Variants in RABGAP1L observed in about 807,000 individuals in gnomAD.
The protein encoded by RABGAP1L is RAB GTPase activating protein 1 like.
A neutral mutation model predicts 137.7 loss-of-function variants in RABGAP1L; 63 were observed. The ratio of observed to expected loss-of-function variants is 0.46; its 90% CI spans 0.37 to 0.56. The LOEUF (loss-of-function observed/expected upper bound fraction) is 0.56. Ranked by LOEUF, RABGAP1L falls within the 20% of genes least tolerant of loss-of-function variation. RABGAP1L has a pLI of 0.00. For missense variants in RABGAP1L, 1,095 were observed against 1,244.0 expected (o/e 0.88, Z 1.80); for synonymous variants, 431 against 433.7 (o/e 0.99, Z 0.08).
intron 10 of RABGAP1L, among the ~76,000 whole-genome samples, chr1:174,282,215 C>A: frequency 6.6e-6 from 1 of 152,278 alleles, no homozygotes; most frequent in Non-Finnish European, 1.5e-5. Flanking sequence ...AACTGCCAAA[C>A]TGTTTTCTAC....
intron 18 of RABGAP1L, among the ~76,000 whole-genome samples, chr1:174,810,977 C>CTGTA (rs1689816145): frequency 6.6e-6 from 1 of 151,832 alleles, no homozygotes; most frequent in African/African-American, 2.4e-5. Flanking sequence ...TGGTGTGTGC[C>CTGTA]TGTAGTTCCA....
chr1:174,328,008 T>TACAC (rs1680689760), intron 11 of RABGAP1L, among the ~76,000 whole-genome samples: 4 of 125,992 alleles, frequency 3.2e-5, no homozygotes, highest in African/African-American at 1.6e-4. Flanking sequence ...TATATATATA[T>TACAC]ATATATATAT....
intron 16 of RABGAP1L, among the ~76,000 whole-genome samples, chr1:174,700,090 G>A (rs2148518572): frequency 6.6e-6 from 1 of 152,168 alleles, no homozygotes; most frequent in Admixed American, 6.5e-5. Flanking sequence ...AATACTGTAG[G>A]GATACATTTA....
At chr1:174,736,405 T>TG (rs1164198414) in intron 17 of RABGAP1L, among the ~76,000 whole-genome samples, 1 of 152,242 alleles carries the variant, frequency 6.6e-6, no homozygotes. Context: ...CCCAAGGCCT[T>TG]GGGCAGCTCT....
intron 1 of RABGAP1L, among the ~76,000 whole-genome samples, chr1:174,202,862 C>T (rs1035586046): frequency 1.4e-4 from 21 of 152,140 alleles, no homozygotes; most frequent in Non-Finnish European, 2.4e-4. Context: ...TTTCAGCTTT[C>T]TACATATGGC....
intron 13 of RABGAP1L, among the ~76,000 whole-genome samples, chr1:174,502,389 C>T (rs1661361399): frequency 6.6e-6 from 1 of 151,548 alleles, no homozygotes; most frequent in African/African-American, 2.4e-5. Flanking sequence ...CTGAAGTCCA[C>T]AGAGCTTCTG....
intron 19 of RABGAP1L, among the ~76,000 whole-genome samples, chr1:174,929,827 C>G (rs2149256407): frequency 6.7e-6 from 1 of 148,240 alleles, no homozygotes; most frequent in South Asian, 2.1e-4. Context: ...TTCATCTCTA[C>G]TGATTTTAAA....
At chr1:174,446,182 A>G (rs1435857057) in intron 13 of RABGAP1L, among the ~76,000 whole-genome samples, 1 of 152,208 alleles carries the variant, frequency 6.6e-6, no homozygotes, top group Non-Finnish European at 1.5e-5. Flanking sequence ...GCTGCATCAC[A>G]GTAAATCGGA....
chr1:174,445,298 C>A (rs912953939), intron 13 of RABGAP1L, among the ~76,000 whole-genome samples: 1 of 152,022 alleles, frequency 6.6e-6, no homozygotes, highest in Non-Finnish European at 1.5e-5. Context: ...TTTTAATGTC[C>A]ATCAAATATT....
At chr1:174,343,673 T>G (rs1682181686) in intron 11 of RABGAP1L, among the ~76,000 whole-genome samples, 1 of 152,072 alleles carries the variant, frequency 6.6e-6, no homozygotes, top group South Asian at 2.1e-4. Flanking sequence ...TCTGATTGGG[T>G]TCATTAGTCT....
intron 13 of RABGAP1L, among the ~76,000 whole-genome samples, chr1:174,410,244 C>T (rs889635488): frequency 1.9e-4 from 29 of 152,240 alleles, no homozygotes; most frequent in Middle Eastern, 3.4e-3. Context: ...ATAGGACTTA[C>T]GTTGAAATAT....
intron 13 of RABGAP1L, among the ~76,000 whole-genome samples, chr1:174,617,400 G>T (rs751158111): frequency 6.6e-6 from 1 of 152,146 alleles, no homozygotes; most frequent in South Asian, 2.1e-4. Context: ...AACAAAAAAT[G>T]CTCCATCATA....
intron 7 of RABGAP1L, among the ~76,000 whole-genome samples, chr1:174,262,270 T>C (rs914990988): frequency 2.0e-5 from 3 of 152,232 alleles, no homozygotes; most frequent in African/African-American, 7.2e-5. Context: ...TGGCTTCTGT[T>C]GGCACCCAGT....
intron 13 of RABGAP1L, among the ~76,000 whole-genome samples, chr1:174,496,229 C>A (rs1660721567): frequency 6.6e-6 from 1 of 152,070 alleles, no homozygotes; most frequent in African/African-American, 2.4e-5. Context: ...ACAATTTTTG[C>A]CACATTAGAA....
chr1:174,218,437 A>G (rs1035575087), intron 1 of RABGAP1L, among the ~76,000 whole-genome samples: 5 of 152,150 alleles, frequency 3.3e-5, no homozygotes, highest in African/African-American at 1.2e-4. Flanking sequence ...TGGATATGAT[A>G]GTGAGTGTTG....
intron 7 of RABGAP1L, among the ~76,000 whole-genome samples, chr1:174,258,366 C>T (rs1673295085): frequency 2.6e-5 from 4 of 152,222 alleles, no homozygotes; most frequent in Admixed American, 2.6e-4. Flanking sequence ...CTTACTACAT[C>T]TTTCATTGCC....
chr1:174,854,232 G>A (rs1648871250), intron 19 of RABGAP1L, among the ~76,000 whole-genome samples: 1 of 152,130 alleles, frequency 6.6e-6, no homozygotes, highest in South Asian at 2.1e-4. Context: ...ATTTGTCACA[G>A]TAATAATATT....
At chr1:174,832,713 GTCTCTGTGTGT>G (rs1410060661) in intron 19 of RABGAP1L, among the ~76,000 whole-genome samples, 7 of 152,170 alleles carry the variant, frequency 4.6e-5, no homozygotes, top group Admixed American at 2.0e-4. Flanking sequence ...CCTCCTGGCT[GTCTCTGTGTGT>G]TCATGACTTT....
chr1:174,969,528 G>A, intron 21 of RABGAP1L, 141 bp downstream of exon 21: 1 of 656,246 alleles, frequency 1.5e-6, no homozygotes, highest in Non-Finnish European at 2.7e-6. Context: ...GTTAATTGGA[G>A]ACCATGGAAA....
Sources: allele counts gnomAD v4.1 joint callset (sites outside exome capture counted in the v4.1 genomes callset), GRCh38; gene constraint gnomAD v4.1.1; transcripts MANE v1.5; gene names NCBI Gene and HGNC (gene_info 2026-07-23, HGNC 2026-07-21).